Variants in LUZP2 observed in about 807,000 individuals in gnomAD.
LUZP2 encodes leucine zipper protein 2.
Under a neutral mutation model 51.6 loss-of-function variants are expected in LUZP2, and 52 were observed. That is an observed-to-expected ratio of 1.01 (90% CI 0.81 to 1.27). LUZP2 has a LOEUF of 1.27. Among genes scored for constraint, LUZP2 ranks in the 50% most tolerant of loss-of-function variants. The pLI, the probability that LUZP2 is intolerant of heterozygous loss-of-function variation, is 0.00. For synonymous variants in LUZP2, 154 were observed against 137.3 expected, an observed-to-expected ratio of 1.12 and a Z score of -0.85; for missense variants, 436 against 395.4, an observed-to-expected ratio of 1.10 and a Z score of -0.87.
At chr11:24,677,515 C>T (rs1280642483) in intron 1 of LUZP2, among the ~76,000 whole-genome samples, 1 of 152,186 alleles carries the variant, frequency 6.6e-6, no homozygotes, top group Non-Finnish European at 1.5e-5. Context: ...TCCAAAGCCC[C>T]TGCTCTTTGC....
chr11:24,541,206 T>A (rs1851352172), intron 1 of LUZP2, among the ~76,000 whole-genome samples: 1 of 143,716 alleles, frequency 7.0e-6, no homozygotes, highest in Admixed American at 7.3e-5. Flanking sequence ...TAAGCCAAGA[T>A]TGCACCATTG....
At chr11:24,795,096 A>G (rs144635182) in intron 5 of LUZP2, among the ~76,000 whole-genome samples, 16 of 152,290 alleles carry the variant, frequency 1.1e-4, no homozygotes, top group African/African-American at 2.6e-4. Flanking sequence ...TACTGATAAG[A>G]TGGCTCATAA....
At chr11:24,984,328 A>G (rs1856124672) in intron 9 of LUZP2, among the ~76,000 whole-genome samples, 1 of 151,162 alleles carries the variant, frequency 6.6e-6, no homozygotes. Context: ...CAGGATGGAG[A>G]GTCATAAATA....
chr11:25,018,043 T>TTTGTTTTGTTTTG (rs1554955723), intron 9 of LUZP2, among the ~76,000 whole-genome samples: 20 of 30,744 alleles, frequency 6.5e-4, no homozygotes, highest in Non-Finnish European at 1.2e-3. Context: ...TTCTGTTTTT[T>TTTGTTTTGTTTTG]TTTTGTTTTT....
At chr11:25,043,227 TCTA>T (rs1858131579) in intron 9 of LUZP2, among the ~76,000 whole-genome samples, 1 of 152,180 alleles carries the variant, frequency 6.6e-6, no homozygotes, top group South Asian at 2.1e-4. Context: ...CACAGGGTAA[TCTA>T]CTCATCTGAA....
intron 4 of LUZP2, among the ~76,000 whole-genome samples, chr11:24,744,614 A>G (rs1859308409): frequency 6.6e-6 from 1 of 151,904 alleles, no homozygotes; most frequent in African/African-American, 2.4e-5. Flanking sequence ...TTCTTGGTTA[A>G]TCGTGCTAAT....
chr11:25,047,343 T>TATTTA (rs200944165), intron 9 of LUZP2, among the ~76,000 whole-genome samples: 1 of 110,350 alleles, frequency 9.1e-6, no homozygotes, highest in East Asian at 2.1e-4. Flanking sequence ...TTTTTTTATT[T>TATTTA]TTTTTTTTTT....
At chr11:24,577,954 C>A (rs546129477) in intron 1 of LUZP2, among the ~76,000 whole-genome samples, 1 of 152,084 alleles carries the variant, frequency 6.6e-6, no homozygotes, top group Non-Finnish European at 1.5e-5. Flanking sequence ...TTCAGGCCCA[C>A]GATGATGGCT....
At chr11:24,846,150 A>C (rs1296709123) in intron 5 of LUZP2, among the ~76,000 whole-genome samples, 1 of 151,940 alleles carries the variant, frequency 6.6e-6, no homozygotes, top group Non-Finnish European at 1.5e-5. Context: ...GAAAAAAAAA[A>C]CACTATAATT....
chr11:24,963,308 A>G (rs1410279801), intron 7 of LUZP2, among the ~76,000 whole-genome samples: 1 of 152,256 alleles, frequency 6.6e-6, no homozygotes, highest in African/African-American at 2.4e-5. Context: ...TCAGACAGGG[A>G]CATTTAAGTC....
intron 1 of LUZP2, among the ~76,000 whole-genome samples, chr11:24,581,312 C>CA (rs757068448): frequency 6.6e-6 from 1 of 152,012 alleles, no homozygotes; most frequent in Non-Finnish European, 1.5e-5. Flanking sequence ...TGTGCATCTC[C>CA]AAAACTCTAC....
At chr11:24,876,260 G>A (rs1309050827) in intron 5 of LUZP2, among the ~76,000 whole-genome samples, 2 of 149,024 alleles carry the variant, frequency 1.3e-5, no homozygotes, top group African/African-American at 5.0e-5. Context: ...AATCCATCTT[G>A]AATTAATTTT....
At chr11:24,827,156 G>A (rs138352412) in intron 5 of LUZP2, among the ~76,000 whole-genome samples, 53 of 152,198 alleles carry the variant, frequency 3.5e-4, no homozygotes, top group African/African-American at 1.2e-3. Flanking sequence ...TTAAATCTAT[G>A]CAGTATGGCA....
chr11:24,842,082 T>TA (rs561414708), intron 5 of LUZP2, among the ~76,000 whole-genome samples: 3 of 151,396 alleles, frequency 2.0e-5, no homozygotes, highest in African/African-American at 7.2e-5. Context: ...AGTAAAAATA[T>TA]AAAAAAATAG....
intron 9 of LUZP2, among the ~76,000 whole-genome samples, chr11:24,991,392 G>GTATA (rs770909829): frequency 0.027 from 2,782 of 104,292 alleles, 42 homozygotes; most frequent in East Asian, 0.054. Flanking sequence ...GTGTGTGTGT[G>GTATA]TGTGTATATA....
chr11:25,067,104 G>T (rs1468709636), intron 10 of LUZP2, among the ~76,000 whole-genome samples: 22 of 151,972 alleles, frequency 1.4e-4, no homozygotes, highest in Admixed American at 1.4e-3. Context: ...ATATTTTTGG[G>T]ATGGGAAGTT....
chr11:24,810,358 C>T lies in LUZP2; in HGVS notation c.396+47050C>T, dbSNP rs1257869081. Among the ~76,000 whole-genome samples the T allele has an allele frequency of 2.6e-5, 4 of 152,244 alleles. No homozygotes were observed. In the South Asian group the frequency reaches 6.2e-4, roughly 24 times the overall value. On this transcript the variant is annotated intron_variant, in intron 5 of 11. Transcript: ENST00000336930. ...TAAGTTAGAAAGAATAAAAGATTAA[C>T]AATTACATATGGCTCAACCTAATTG...
chr11:25,063,436 A>G (rs1322288431), intron 10 of LUZP2, among the ~76,000 whole-genome samples: 1 of 151,796 alleles, frequency 6.6e-6, no homozygotes, highest in African/African-American at 2.4e-5. Context: ...GTGTGAATAT[A>G]TCTTCACACC....
intron 5 of LUZP2, among the ~76,000 whole-genome samples, chr11:24,862,288 C>A (rs1851764248): frequency 6.6e-6 from 1 of 152,146 alleles, no homozygotes; most frequent in South Asian, 2.1e-4. Context: ...ATTTTATATC[C>A]AGCCAAAATA....
Sources: gnomAD v4.1 joint callset for allele counts (sites outside exome capture counted in the v4.1 genomes callset) on GRCh38, gnomAD v4.1.1 for gene constraint, MANE v1.5 for transcripts, NCBI Gene and HGNC (gene_info 2026-07-23, HGNC 2026-07-21) for gene names.